FAR2: variants seen among roughly 807,000 people sequenced by gnomAD.
FAR2 encodes the protein fatty acyl-CoA reductase 2.
In FAR2, 19 loss-of-function variants were observed where a neutral mutation model predicts 56.0. The observed-to-expected ratio is 0.34, with a 90% CI of 0.24 to 0.50. The LOEUF (loss-of-function observed/expected upper bound fraction) is 0.50, where lower values mean the gene tolerates loss of function less well. Among genes scored for constraint, FAR2 ranks in the 20% least tolerant of loss-of-function variants. The probability of loss-of-function intolerance (pLI) is 0.98; values close to 1 mark genes in which losing one functional copy is unlikely to be tolerated. For synonymous variants in FAR2, 219 were observed against 218.8 expected (o/e 1.00, Z -0.01); for missense variants, 508 against 642.2 (o/e 0.79, Z 2.26).
chr12:29,254,131 G>T (rs1948277492), intron 1 of FAR2, among the ~76,000 whole-genome samples: 1 of 152,054 alleles, frequency 6.6e-6, no homozygotes, highest in South Asian at 2.1e-4. Context: ...AATTAGTGAG[G>T]GCTGTTCCCA....
intron 4 of FAR2, among the ~76,000 whole-genome samples, chr12:29,298,539 G>C (rs906182612): frequency 6.6e-6 from 1 of 152,156 alleles, no homozygotes; most frequent in Admixed American, 6.5e-5. Flanking sequence ...AAGAATGAAA[G>C]TCATCTAAAG....
intron 1 of FAR2, among the ~76,000 whole-genome samples, chr12:29,242,515 A>G (rs1384770678): frequency 6.6e-6 from 1 of 152,234 alleles, no homozygotes; most frequent in Admixed American, 6.5e-5. Context: ...CTGTTTCCCC[A>G]GGAGCAACTC....
intron 1 of FAR2, among the ~76,000 whole-genome samples, chr12:29,268,239 G>A (rs1221783207): frequency 6.6e-6 from 1 of 152,112 alleles, no homozygotes; most frequent in African/African-American, 2.4e-5. Context: ...GAGCTGTTCT[G>A]CAGGATCCAT....
intron 2 of FAR2, among the ~76,000 whole-genome samples, chr12:29,283,705 G>C (rs758396014): frequency 6.6e-6 from 1 of 151,910 alleles, no homozygotes; most frequent in South Asian, 2.1e-4. Context: ...GGTAAATTTC[G>C]CACACCAAAT....
intron 1 of FAR2, among the ~76,000 whole-genome samples, chr12:29,180,577 C>T (rs1377734482): frequency 6.6e-6 from 1 of 152,148 alleles, no homozygotes; most frequent in Non-Finnish European, 1.5e-5. Flanking sequence ...CACATATTTA[C>T]ATTTTAACCA....
chr12:29,312,296 C>T (rs1949366556), intron 8 of FAR2, among the ~76,000 whole-genome samples: 1 of 152,160 alleles, frequency 6.6e-6, no homozygotes, highest in Non-Finnish European at 1.5e-5. Flanking sequence ...CTCCTACACA[C>T]ACCCCTTCCC....
intron 1 of FAR2, among the ~76,000 whole-genome samples, chr12:29,194,898 G>A (rs1950132827): frequency 6.6e-6 from 1 of 152,110 alleles, no homozygotes. Flanking sequence ...GTTCAGATTA[G>A]CAAGAAAAAG....
intron 1 of FAR2, among the ~76,000 whole-genome samples, chr12:29,211,422 A>G (rs1947546377): frequency 6.6e-6 from 1 of 152,202 alleles, no homozygotes; most frequent in Non-Finnish European, 1.5e-5. Flanking sequence ...ATGCATATAC[A>G]TTATTATATT....
chr12:29,254,460 G>C (rs1285782851), intron 1 of FAR2, among the ~76,000 whole-genome samples: 1 of 152,132 alleles, frequency 6.6e-6, no homozygotes, highest in African/African-American at 2.4e-5. Flanking sequence ...TCAGTCTCTT[G>C]AGTAGCTGGG....
chr12:29,264,672 AGAG>A (rs1435561930), intron 1 of FAR2, among the ~76,000 whole-genome samples: 1 of 67,624 alleles, frequency 1.5e-5, no homozygotes, highest in African/African-American at 5.0e-5. Context: ...AGAGAGAGAG[AGAG>A]GAGGAGAGGG....
At chr12:29,181,227 G>T (rs1591835332) in intron 1 of FAR2, among the ~76,000 whole-genome samples, 1 of 152,036 alleles carries the variant, frequency 6.6e-6, no homozygotes, top group Non-Finnish European at 1.5e-5. Context: ...ACACACTAAA[G>T]GTTGAATGTT....
intron 1 of FAR2, among the ~76,000 whole-genome samples, chr12:29,263,093 G>A (rs981678259): frequency 1.3e-5 from 2 of 152,052 alleles, no homozygotes; most frequent in African/African-American, 4.8e-5. Flanking sequence ...ACCAGCAATA[G>A]GATATAATAA....
chr12:29,315,741 C>G (rs1297730558), intron 8 of FAR2, among the ~76,000 whole-genome samples: 1 of 152,098 alleles, frequency 6.6e-6, no homozygotes, highest in African/African-American at 2.4e-5. Flanking sequence ...ACTAAAAAAA[C>G]TGAATTACCA....
At chr12:29,301,180 T>A (rs1330672429) in intron 4 of FAR2, among the ~76,000 whole-genome samples, 1 of 152,202 alleles carries the variant, frequency 6.6e-6, no homozygotes. Flanking sequence ...TTAGCAGAAA[T>A]ATATTTTAAA....
intron 1 of FAR2, among the ~76,000 whole-genome samples, chr12:29,168,480 A>G (rs1262525294): frequency 2.0e-5 from 3 of 152,234 alleles, no homozygotes; most frequent in Non-Finnish European, 4.4e-5. Flanking sequence ...AATGAACAGA[A>G]AGTAATTCAA....
intron 1 of FAR2, among the ~76,000 whole-genome samples, chr12:29,181,057 C>T (rs1186618665): frequency 6.6e-6 from 1 of 152,002 alleles, no homozygotes; most frequent in African/African-American, 2.4e-5. Context: ...TTCCTATGTA[C>T]TTATCTGCAA....
intron 1 of FAR2, among the ~76,000 whole-genome samples, chr12:29,262,147 AG>A (rs1948429920): frequency 6.6e-6 from 1 of 152,228 alleles, no homozygotes; most frequent in African/African-American, 2.4e-5. Flanking sequence ...AAAAAGAAAA[AG>A]TTAAAAAGTG....
chr12:29,263,419 C>CTT (rs902271453), intron 1 of FAR2, among the ~76,000 whole-genome samples: 4 of 152,012 alleles, frequency 2.6e-5, no homozygotes, highest in African/African-American at 9.7e-5. Flanking sequence ...GGTCTTAAAA[C>CTT]ATTTTAAAAA....
chr12:29,250,989 G>C (rs6487791), intron 1 of FAR2, among the ~76,000 whole-genome samples: 78,176 of 151,896 alleles, frequency 0.51, 20,350 homozygotes, highest in East Asian at 0.64. Flanking sequence ...TTTTCAAAGA[G>C]GAGGTGGGCA....
Sources: gnomAD v4.1 joint callset for allele counts (sites outside exome capture counted in the v4.1 genomes callset) on GRCh38, gnomAD v4.1.1 for gene constraint, MANE v1.5 for transcripts, NCBI Gene and HGNC (gene_info 2026-07-23, HGNC 2026-07-21) for gene names.